NWD2: variants seen among roughly 807,000 people sequenced by gnomAD.
The protein encoded by NWD2 is NACHT and WD repeat domain-containing protein 2.
Under a neutral mutation model 132.7 loss-of-function variants are expected in NWD2, and 37 were observed. The ratio of observed to expected loss-of-function variants is 0.28; its 90% CI spans 0.21 to 0.37. The LOEUF is 0.37. NWD2 is among the 10% of genes least tolerant of loss of function. NWD2 has a pLI of 1.00. For missense variants in NWD2, 1,592 were observed against 2,122.4 expected (o/e 0.75, Z 4.91); for synonymous variants, 705 against 803.0 (o/e 0.88, Z 2.06).
At chr4:37,393,201 G>GGC (rs1408997837) in intron 3 of NWD2, among the ~76,000 whole-genome samples, 3 of 150,826 alleles carry the variant, frequency 2.0e-5, no homozygotes, top group Admixed American at 6.6e-5. Context: ...GGGGTTGGGG[G>GGC]GAGACTCTGA....
chr4:37,424,848 C>T (rs1279695608), intron 3 of NWD2, among the ~76,000 whole-genome samples: 1 of 152,222 alleles, frequency 6.6e-6, no homozygotes, highest in African/African-American at 2.4e-5. Flanking sequence ...ACTTATTCCT[C>T]TGTTCTGTTT....
At position 37,414,526 on chromosome 4, in the gene NWD2, C is replaced by T. The variant is rs147319806; in HGVS notation, c.358-16046C>T. Among the ~76,000 whole-genome samples, 236 of 151,750 alleles carry T rather than the reference C, an allele frequency of 1.6e-3. 3 individuals carry two copies. The highest frequency in any genetic ancestry group is 5.0e-3 in the African/African-American group (205 of 41,412). ...TAAATTACCTTTATGCTCCAGAAGT[C>T]GCTGTAACAAGACTCTGCTAAAGCC... is the stretch of plus-strand genomic sequence containing the variant. On this transcript the variant is annotated intron_variant, in intron 3 of 6. Coordinates refer to ENST00000309447, the MANE Select transcript of NWD2 (RefSeq NM_001144990.2).
intron 3 of NWD2, among the ~76,000 whole-genome samples, chr4:37,393,072 G>A (rs1382193781): frequency 6.6e-6 from 1 of 152,086 alleles, no homozygotes; most frequent in African/African-American, 2.4e-5. Flanking sequence ...TGAATGCATT[G>A]GCTCTGATCC....
intron 3 of NWD2, among the ~76,000 whole-genome samples, chr4:37,409,529 G>A (rs986716305): frequency 1.3e-5 from 2 of 152,086 alleles, no homozygotes; most frequent in Non-Finnish European, 1.5e-5. Flanking sequence ...AAATCTACGT[G>A]TGATTGGTGT....
At chr4:37,248,041 A>G (rs1399983189) in intron 1 of NWD2, among the ~76,000 whole-genome samples, 1 of 152,208 alleles carries the variant, frequency 6.6e-6, no homozygotes, top group African/African-American at 2.4e-5. Flanking sequence ...TCTACGGATG[A>G]GATTACTGAG....
Position 37,438,940 on chromosome 4 carries a change from T to C in NWD2, c.846T>C (p.Thr282=). The C allele has an allele frequency of 6.4e-7, 1 of 1,552,072 alleles. No homozygotes were observed. Among genetic ancestry groups the C allele is most frequent in the Admixed American group, 2.0e-5 (1 of 51,012 alleles). Residue 282 remains threonine (T), a synonymous_variant, in exon 6 of 7, where the codon ACT becomes ACC. Coordinates refer to ENST00000309447, the MANE Select transcript of NWD2 (RefSeq NM_001144990.2). ...AGATGGGAAAATACATGGATATAAC[T>C]GGAACAGAACCGAGGATTATTCGGG... The part of the protein sequence containing the change: ...IPEMGKYMDI[T]GTEPRIIRDP...
chr4:37,298,011 AGGGAACT>A (rs1229717107), intron 1 of NWD2, among the ~76,000 whole-genome samples: 1 of 152,150 alleles, frequency 6.6e-6, no homozygotes, highest in Non-Finnish European at 1.5e-5. Flanking sequence ...AACACGCCAC[AGGGAACT>A]GGTGGGCGTC....
Position 37,446,165 on chromosome 4 carries a change from T to C in NWD2, c.4177T>C (p.Phe1393Leu). 6.4e-7 allele frequency: 1 copy of C among 1,551,670 alleles called. No homozygotes were observed. Among genetic ancestry groups the C allele is most frequent in the Non-Finnish European group, 8.7e-7 (1 of 1,146,996 alleles). ...GCACACCAGCAGTGGTGAAAACCTTTTTCGAATTAACGGGCAGAGAATATC... is the reference window on the plus strand; with the variant it reads ...GCACACCAGCAGTGGTGAAAACCTTCTTCGAATTAACGGGCAGAGAATATC... Reference protein sequence around the residue: ...VWHTSSGENLFRINGQRISQL... With the variant: ...VWHTSSGENLLRINGQRISQL... Residue 1393 changes from phenylalanine to leucine, a missense_variant, in exon 7 of 7, where the codon TTT (phenylalanine) becomes CTT (leucine). Coordinates refer to ENST00000309447, the MANE Select transcript of NWD2 (RefSeq NM_001144990.2). This position sits in a 1 kb window ranked among gnomAD's most constrained non-coding sequence, Gnocchi z 6.7.
chr4:37,400,643 A>G (rs1425240108), intron 3 of NWD2, among the ~76,000 whole-genome samples: 2 of 152,198 alleles, frequency 1.3e-5, no homozygotes, highest in Non-Finnish European at 1.5e-5. Flanking sequence ...CATTTTATGG[A>G]AGCTATGATG....
intron 1 of NWD2, among the ~76,000 whole-genome samples, chr4:37,274,852 G>T (rs1217831443): frequency 6.6e-6 from 1 of 151,326 alleles, no homozygotes; most frequent in South Asian, 2.1e-4. Context: ...CTCAATAGAT[G>T]CAGAAAAGGC....
At position 37,446,703 on chromosome 4, in the gene NWD2, T is replaced by G; in HGVS notation, c.4715T>G (p.Leu1572Trp). 6.4e-7 allele frequency: 1 copy of G among 1,551,626 alleles called. No homozygotes were observed. The highest frequency in any genetic ancestry group is 8.7e-7 in the Non-Finnish European group (1 of 1,146,984). Residue 1572 changes from leucine to tryptophan, a missense_variant, in exon 7 of 7, where the codon TTG becomes TGG. Around this residue, in one of 7 missense-constraint regions of NWD2, gnomAD observed 257 missense variants for 335.0 expected, o/e 0.77. Coordinates refer to ENST00000309447, the MANE Select transcript of NWD2 (RefSeq NM_001144990.2). The surrounding 1 kb of genome is among the most constrained non-coding windows in gnomAD (Gnocchi z 6.7). ...TCTGGGATCATCTGGCGGCAGAGGT[T>G]GTCTCGGGATGGTCGCTACCTGGTA... ...HASGIIWRQRLSRDGRYLVYI... is the reference protein window; with the variant it reads ...HASGIIWRQRWSRDGRYLVYI...
At chr4:37,434,790 T>C (rs1252972245) in intron 5 of NWD2, among the ~76,000 whole-genome samples, 1 of 150,446 alleles carries the variant, frequency 6.6e-6, no homozygotes, top group Non-Finnish European at 1.5e-5. Context: ...TTTTTTTCTT[T>C]TTTTTTTTTA....
intron 3 of NWD2, among the ~76,000 whole-genome samples, chr4:37,359,395 A>G (rs892538989): frequency 6.6e-6 from 1 of 152,094 alleles, no homozygotes; most frequent in African/African-American, 2.4e-5. Context: ...AAAAGAAAAA[A>G]AAAGTACTCC....
At chr4:37,264,946 T>C (rs1717717910) in intron 1 of NWD2, among the ~76,000 whole-genome samples, 1 of 152,090 alleles carries the variant, frequency 6.6e-6, no homozygotes, top group Non-Finnish European at 1.5e-5. Flanking sequence ...AGAGGGTGCT[T>C]ACTGCAGAAT....
intron 5 of NWD2, 48 bp downstream of exon 5, chr4:37,434,068 G>A: frequency 7.9e-7 from 1 of 1,263,084 alleles, no homozygotes; most frequent in South Asian, 1.5e-5. Context: ...TCATTAATAG[G>A]TACATCTACT....
At chr4:37,284,411 A>C (rs80294590) in intron 1 of NWD2, among the ~76,000 whole-genome samples, 2 of 152,340 alleles carry the variant, frequency 1.3e-5, no homozygotes, top group East Asian at 3.9e-4. Flanking sequence ...GGAAGGGCAC[A>C]AACATTCAGA....
Position 37,446,802 on chromosome 4 carries a change from CAG to C in NWD2, c.4816_4817del (p.Asp1606TrpfsTer30). The C allele has an allele frequency of 6.4e-7, 1 of 1,551,922 alleles. No homozygotes were observed. Among genetic ancestry groups the C allele is most frequent in the African/African-American group, 1.4e-5 (1 of 73,122 alleles). On this transcript the variant is annotated frameshift_variant, in exon 7 of 7. Coordinates refer to ENST00000309447, the MANE Select transcript of NWD2 (RefSeq NM_001144990.2). LOFTEE classifies it high-confidence loss of function. The surrounding 1 kb of genome is among the most constrained non-coding windows in gnomAD (Gnocchi z 6.7). ...TTCAGTTTAATTGTAATGAGACTGGCAGATGGCAAAAATATCGGTGCTTGTTC... is the reference window on the plus strand; with the variant it reads ...TTCAGTTTAATTGTAATGAGACTGGCATGGCAAAAATATCGGTGCTTGTTC...
intron 1 of NWD2, among the ~76,000 whole-genome samples, chr4:37,298,439 C>T (rs906493001): frequency 7.9e-5 from 12 of 152,224 alleles, no homozygotes; most frequent in African/African-American, 2.9e-4. Context: ...CACCTAGGTG[C>T]GAGAGCCAGG....
intron 1 of NWD2, among the ~76,000 whole-genome samples, chr4:37,312,170 T>C (rs1718858334): frequency 1.3e-5 from 2 of 151,536 alleles, no homozygotes; most frequent in Non-Finnish European, 2.9e-5. Flanking sequence ...GTGAAGAAAG[T>C]CATTGGTAGC....
Sources: gnomAD v4.1 joint callset for allele counts (sites outside exome capture counted in the v4.1 genomes callset) on GRCh38, gnomAD v4.1.1 for gene constraint, gnomAD v4.1.1 regional missense constraint, Gnocchi (gnomAD v3.1) non-coding constraint, MANE v1.5 for transcripts, NCBI Gene and HGNC (gene_info 2026-07-23, HGNC 2026-07-21) for gene names.